PLB1: variants seen among roughly 807,000 people sequenced by gnomAD.
PLB1 encodes phospholipase B1, membrane-associated.
A neutral mutation model predicts 227.4 loss-of-function variants in PLB1; 242 were observed. The ratio of observed to expected loss-of-function variants is 1.06; its 90% CI spans 0.96 to 1.18. The LOEUF is 1.18. Among genes scored for constraint, PLB1 ranks in the 50% most tolerant of loss-of-function variants. PLB1 has a pLI of 0.00. For missense variants in PLB1, 1,858 were observed against 1,816.3 expected, an observed-to-expected ratio of 1.02 and a Z score of -0.42; for synonymous variants, 757 against 682.2, an observed-to-expected ratio of 1.11 and a Z score of -1.71.
At position 28,574,066 on chromosome 2, in the gene PLB1, C is replaced by A. The variant is rs371081215; in HGVS notation, c.1433+761C>A. ...TAGGTCCCATCCCTTCACTGCATTC[C>A]AAGATTCCAGGGCCTTGAGTGCTGC... is the stretch of plus-strand genomic sequence containing the variant. On this transcript the variant is annotated intron_variant, in intron 21 of 57. Transcript: ENST00000327757. Among the ~76,000 whole-genome samples, 13 of 152,314 alleles carry A rather than the reference C, an allele frequency of 8.5e-5. No individual in the cohort carries two copies. The East Asian group carries it at 1.7e-3, about 20-fold the overall frequency.
At chr2:28,589,938 C>G in intron 28 of PLB1, 67 bp from the exon 29 acceptor site, 4 of 1,487,138 alleles carry the variant, frequency 2.7e-6, no homozygotes, top group African/African-American at 1.4e-5. Context: ...CACCCCTGAC[C>G]TGCGTCCTGA....
chr2:28,619,106 T>C (rs1387245707), intron 46 of PLB1, among the ~76,000 whole-genome samples: 1 of 152,214 alleles, frequency 6.6e-6, no homozygotes, highest in Non-Finnish European at 1.5e-5. Flanking sequence ...GGTAAACTTG[T>C]GGCATGGGGT....
intron 50 of PLB1, among the ~76,000 whole-genome samples, chr2:28,626,126 G>T (rs968704462): frequency 2.8e-4 from 43 of 151,904 alleles, no homozygotes; most frequent in African/African-American, 9.2e-4. Flanking sequence ...CTCCCAAGTA[G>T]CTGGGATTAC....
Position 28,587,060 on chromosome 2 carries a change from T to C in PLB1, c.1815+1218T>C, listed in dbSNP as rs1412261579. ...CACCGCGCCAAGCCACACTTCCTTC[T>C]GCTGTGAGCAGGCACCTGTGACTCT... On this transcript the variant is annotated intron_variant, in intron 26 of 57. Coordinates refer to ENST00000327757, the MANE Select transcript of PLB1 (RefSeq NM_153021.5). 2.6e-5 allele frequency among the ~76,000 whole-genome samples: 4 copies of C among 152,220 alleles called. 1 individual carries two copies. Among genetic ancestry groups the C allele is most frequent in the Admixed American group, 2.0e-4 (3 of 15,284 alleles).
At chr2:28,615,305 T>C (rs1381583661) in intron 44 of PLB1, among the ~76,000 whole-genome samples, 1 of 152,138 alleles carries the variant, frequency 6.6e-6, no homozygotes, top group Non-Finnish European at 1.5e-5. Flanking sequence ...CCTGAATTAC[T>C]GAGTAAAACC....
intron 5 of PLB1, 26 bp downstream of exon 5, chr2:28,525,333 CAGAA>C (rs754677205): frequency 6.2e-7 from 1 of 1,609,112 alleles, no homozygotes; most frequent in South Asian, 1.1e-5. Context: ...ACACAGAAAA[CAGAA>C]AGGAGCCCGG....
At chr2:28,549,440 G>T (rs1433399757) in intron 15 of PLB1, among the ~76,000 whole-genome samples, 1 of 16,096 alleles carries the variant, frequency 6.2e-5, no homozygotes. Flanking sequence ...TTTTTGAGAC[G>T]GAGTCTCGCC....
chr2:28,496,819 G>A (rs1016987624), intron 1 of PLB1, among the ~76,000 whole-genome samples: 6 of 152,158 alleles, frequency 3.9e-5, no homozygotes, highest in African/African-American at 1.4e-4. Context: ...TGCTTAGGAA[G>A]GCAGAATCTT....
rs762536125 is a variant in PLB1 at position 28,593,743 on chromosome 2, A to G, written c.2310A>G (p.Gly770=). Residue 770 remains glycine, a synonymous_variant, in exon 33 of 58, where the codon GGA becomes GGG. Coordinates refer to ENST00000327757, the MANE Select transcript of PLB1 (RefSeq NM_153021.5). ...DLPDVTTQYR[G]LSYSAGGDGS... ...CCGATGTCACCACACAGTATCGGGG[A>G]CTGTCATACAGGTAATGTTAACCTT... 5.8e-5 allele frequency: 94 copies of G among 1,613,808 alleles called. No homozygotes were observed. Among genetic ancestry groups the G allele is most frequent in the Non-Finnish European group, 7.7e-5 (91 of 1,179,908 alleles).
rs148936321 is a variant in PLB1, at chr2:28,521,994, C to T, written c.243+2231C>T. Reference sequence around the variant, plus strand: ...TTCCCCTTGTAGCTGCAAGCCCCAGCCCACCACTCCATGCACAGTGCCAGT... The same window carrying T: ...TTCCCCTTGTAGCTGCAAGCCCCAGTCCACCACTCCATGCACAGTGCCAGT... On this transcript the variant is annotated intron_variant, in intron 4 of 57. Coordinates refer to ENST00000327757, the MANE Select transcript of PLB1 (RefSeq NM_153021.5). 8.1e-3 allele frequency among the ~76,000 whole-genome samples: 1,234 copies of T among 152,170 alleles called. 22 individuals carry two copies. The highest frequency in any genetic ancestry group is 0.028 in the African/African-American group (1,180 of 41,494).
intron 1 of PLB1, among the ~76,000 whole-genome samples, chr2:28,497,317 T>G (rs927375792): frequency 6.6e-6 from 1 of 152,212 alleles, no homozygotes; most frequent in Non-Finnish European, 1.5e-5. Context: ...ACTACCCAAA[T>G]GAGGACAAAC....
chr2:28,632,878 G>T, intron 55 of PLB1, 66 bp from the exon 56 acceptor site: 1 of 1,190,168 alleles, frequency 8.4e-7, no homozygotes, highest in Admixed American at 1.7e-5. Flanking sequence ...CCTGCTGGGA[G>T]AGTGAGTGGG....
intron 4 of PLB1, among the ~76,000 whole-genome samples, chr2:28,520,481 A>G (rs528194488): frequency 2.4e-4 from 37 of 152,212 alleles, no homozygotes; most frequent in Non-Finnish European, 4.3e-4. Context: ...ATAGAACACA[A>G]ATTTACCATC....
Position 28,602,202 on chromosome 2 carries a change from C to T in PLB1, c.2673+238C>T, listed in dbSNP as rs73922196. Among the ~76,000 whole-genome samples the T allele has an allele frequency of 3.2e-3, 490 of 152,334 alleles. 3 individuals carry two copies. The highest frequency in any genetic ancestry group is 0.011 in the African/African-American group (466 of 41,590). On this transcript the variant is annotated intron_variant, in intron 38 of 57. Coordinates refer to ENST00000327757, the MANE Select transcript of PLB1 (RefSeq NM_153021.5). ...GCTGTTCCCTCACCACTACATGGGA[C>T]ACTCCTTGGTGGAATTGTCTAATGT...
At chr2:28,629,406 A>G (rs948107014) in intron 53 of PLB1, among the ~76,000 whole-genome samples, 10 of 152,222 alleles carry the variant, frequency 6.6e-5, no homozygotes, top group African/African-American at 2.4e-4. Context: ...TTTTCTGTGA[A>G]AGGAGACAGA....
intron 1 of PLB1, among the ~76,000 whole-genome samples, chr2:28,499,172 T>G (rs932648405): frequency 6.6e-6 from 1 of 152,168 alleles, no homozygotes; most frequent in African/African-American, 2.4e-5. Flanking sequence ...CAACTAAACT[T>G]AAAAATTTTA....
In PLB1 at chr2:28,496,095, G is replaced by A. The variant is rs780492936; in HGVS notation, c.-20G>A. 1.2e-6 allele frequency: 2 copies of A among 1,613,612 alleles called. No individual in the cohort carries two copies. The highest frequency in any genetic ancestry group is 2.7e-5 in the African/African-American group (2 of 74,902). ...TGGAGCAGCTCTTCCAGAGGCCCGA[G>A]TCACCTGGAGCATTCTGGCATGGGG... On this transcript the variant is annotated 5_prime_UTR_variant, in exon 1 of 58. Transcript: ENST00000327757.
rs2148358054 is a variant in PLB1 at position 28,643,776 on chromosome 2, A to G, written c.*715A>G. 6.6e-6 allele frequency: 1 copy of G among 152,370 alleles called. No homozygotes were observed. Among genetic ancestry groups the G allele is most frequent in the African/African-American group, 2.4e-5 (1 of 41,598 alleles). 9.4% of individuals were successfully genotyped at this position (152,370 alleles called of 1,614,324 possible). A position where few individuals can be genotyped will look rare whatever the true frequency, so the allele number is the denominator to read the frequency against. ...ATTTTGGGAAAAGGAATAAAAAATG[A>G]TTGGGACACAAATACCTCCTATATT... On this transcript the variant is annotated 3_prime_UTR_variant, in exon 58 of 58. Coordinates refer to ENST00000327757, the MANE Select transcript of PLB1 (RefSeq NM_153021.5).
At chr2:28,577,447 T>G (rs570908334) in intron 21 of PLB1, among the ~76,000 whole-genome samples, 2 of 152,362 alleles carry the variant, frequency 1.3e-5, no homozygotes, top group East Asian at 3.9e-4. Flanking sequence ...TGCCATGACA[T>G]GTGCATGATG....
Sources: allele counts gnomAD v4.1 joint callset (sites outside exome capture counted in the v4.1 genomes callset), GRCh38; gene constraint gnomAD v4.1.1; transcripts MANE v1.5; gene names NCBI Gene and HGNC (gene_info 2026-07-23, HGNC 2026-07-21).